Variants in ZNF26 observed in about 807,000 individuals in gnomAD.
The protein encoded by ZNF26 is zinc finger protein 26.
Under a neutral mutation model 54.9 loss-of-function variants are expected in ZNF26, and 32 were observed. The ratio of observed to expected loss-of-function variants is 0.58; its 90% CI spans 0.44 to 0.78. ZNF26 has a LOEUF of 0.78. Ranked by LOEUF, ZNF26 falls within the 30% of genes least tolerant of loss-of-function variation. ZNF26 has a pLI of 0.00. For synonymous variants in ZNF26, 221 were observed against 209.2 expected (o/e 1.06, Z -0.49); for missense variants, 524 against 634.0 (o/e 0.83, Z 1.86).
chr12:133,008,352 C>G (rs1953381041), intron 3 of ZNF26, among the ~76,000 whole-genome samples: 3 of 152,306 alleles, frequency 2.0e-5, no homozygotes, highest in Non-Finnish European at 4.4e-5. Flanking sequence ...GCCGTTCAAG[C>G]TGTTGACTCC....
intron 1 of ZNF26, among the ~76,000 whole-genome samples, chr12:132,999,406 C>T (rs1953162998): frequency 6.6e-6 from 1 of 151,656 alleles, no homozygotes; most frequent in African/African-American, 2.4e-5. Context: ...AGGCGCCCAC[C>T]ACCACACCTG....
chr12:132,995,593 A>G (rs1030161926), intron 1 of ZNF26, among the ~76,000 whole-genome samples: 1 of 152,010 alleles, frequency 6.6e-6, no homozygotes, highest in Admixed American at 6.6e-5. Flanking sequence ...TCATGTCTCA[A>G]AGTTTTTAAT....
In ZNF26 at chr12:133,017,821, A is replaced by G. The variant is rs1408534176; in HGVS notation, c.*6340A>G. On this transcript the variant is annotated 3_prime_UTR_variant, in exon 4 of 4. Coordinates refer to ENST00000328654, the MANE Select transcript of ZNF26 (RefSeq NM_019591.4). ...TCTGGAGGTCAAGACCATCCTCACT[A>G]ACATGGTGAAACCCCATCTCTATTA... 3 of 152,236 alleles carry G rather than the reference A, an allele frequency of 2.0e-5. No homozygotes were observed. The highest frequency in any genetic ancestry group is 4.4e-5 in the Non-Finnish European group (3 of 68,062). The allele number at this position is 152,236 out of a possible 1,614,324, so 9.4% of individuals were successfully genotyped here. A position where few individuals can be genotyped will look rare whatever the true frequency, so the allele number is the denominator to read the frequency against.
In ZNF26 at chr12:133,016,780, CAA is replaced by C. The variant is rs1169141231; in HGVS notation, c.*5313_*5314del. 15 of 127,848 alleles carry C rather than the reference CAA, an allele frequency of 1.2e-4. No individual in the cohort carries two copies. The highest frequency in any genetic ancestry group is 5.2e-4 in the South Asian group (2 of 3,878). The allele number at this position is 127,848 out of a possible 1,614,324, so 7.9% of individuals were successfully genotyped here. On this transcript the variant is annotated 3_prime_UTR_variant, in exon 4 of 4. Transcript: ENST00000328654. ...TGGGTGACAGAGCAAGACCTTGACT[CAA>C]AAAAAAAAAAAAATTCTACTCTCTT...
chr12:133,010,590 G>A lies in ZNF26; in HGVS notation c.711G>A (p.Lys237=). The A allele has an allele frequency of 6.2e-7, 1 of 1,613,930 alleles. No homozygotes were observed. The highest frequency in any genetic ancestry group is 8.5e-7 in the Non-Finnish European group (1 of 1,179,996). ...EKPYSCSECE[K]VFSFRSQLIV... ...CCTACTCATGTAGTGAGTGCGAGAAGGTCTTCTCTTTCAGGTCACAGCTCA... is the reference window on the plus strand; with the variant it reads ...CCTACTCATGTAGTGAGTGCGAGAAAGTCTTCTCTTTCAGGTCACAGCTCA... Residue 237 remains lysine (K), a synonymous_variant, in exon 4 of 4, where the codon AAG becomes AAA. Coordinates refer to ENST00000328654, the MANE Select transcript of ZNF26 (RefSeq NM_019591.4).
At chr12:132,994,921 A>G (rs1953043531) in intron 1 of ZNF26, among the ~76,000 whole-genome samples, 1 of 152,180 alleles carries the variant, frequency 6.6e-6, no homozygotes, top group Admixed American at 6.6e-5. Context: ...TGTAGGTGCC[A>G]GTAGCACTGC....
rs960849339 is a variant in ZNF26, at chr12:132,997,433, A to G, written c.34-9609A>G. ...GAACAGGGGTTAATCAGAAGCCCAC[A>G]TGGTCGATGAGCTTCCAAGATAGAG... On this transcript the variant is annotated intron_variant, in intron 1 of 3. Transcript: ENST00000328654. Among the ~76,000 whole-genome samples the G allele has an allele frequency of 4.8e-3, 734 of 152,260 alleles. 5 individuals carry two copies. The highest frequency in any genetic ancestry group is 0.016 in the African/African-American group (666 of 41,538).
At chr12:133,003,287 G>A (rs1234573848) in intron 1 of ZNF26, among the ~76,000 whole-genome samples, 6 of 138,930 alleles carry the variant, frequency 4.3e-5, no homozygotes, top group Admixed American at 1.5e-4. Context: ...ATGGAGTCTC[G>A]CTCTGTTGCC....
At chr12:132,991,472 C>T (rs1395818928) in intron 1 of ZNF26, among the ~76,000 whole-genome samples, 3 of 150,336 alleles carry the variant, frequency 2.0e-5, no homozygotes, top group Admixed American at 6.6e-5. Context: ...CACTCCAGCC[C>T]GGGCGACAGA....
intron 1 of ZNF26, among the ~76,000 whole-genome samples, chr12:132,997,913 T>G (rs1440442051): frequency 6.6e-6 from 1 of 152,228 alleles, no homozygotes; most frequent in Non-Finnish European, 1.5e-5. Context: ...TAGGGACTTC[T>G]TGTAGCCAGG....
chr12:133,005,245 C>T (rs1195664445), intron 1 of ZNF26: 8 of 152,146 alleles, frequency 5.3e-5, no homozygotes, highest in African/African-American at 1.7e-4. Flanking sequence ...CTCTGTCGCT[C>T]AGGCTGGAGT....
intron 1 of ZNF26, among the ~76,000 whole-genome samples, chr12:132,999,355 A>G (rs1352706775): frequency 6.6e-6 from 1 of 152,096 alleles, no homozygotes; most frequent in African/African-American, 2.4e-5. Context: ...TCCCGGGTTC[A>G]AGTGATTCTC....
intron 1 of ZNF26, among the ~76,000 whole-genome samples, chr12:132,991,795 G>A (rs1010221180): frequency 1.6e-4 from 24 of 151,848 alleles, no homozygotes; most frequent in Admixed American, 3.3e-4. Context: ...AAAATGATCA[G>A]AAAAAAAATT....
intron 1 of ZNF26, among the ~76,000 whole-genome samples, chr12:132,998,269 C>G (rs1189521589): frequency 2.0e-5 from 3 of 151,472 alleles, no homozygotes; most frequent in African/African-American, 7.3e-5. Context: ...CGGGTTCAAG[C>G]GATTATCCTG....
rs1406638314 is a variant in ZNF26 at position 133,025,226 on chromosome 12, A to T, written c.*13745A>T. 2.0e-5 allele frequency: 3 copies of T among 152,184 alleles called. No individual in the cohort carries two copies. The highest frequency in any genetic ancestry group is 2.0e-4 in the Admixed American group (3 of 15,268). The allele number at this position is 152,184 out of a possible 1,614,324, so 9.4% of individuals were successfully genotyped here. A position where few individuals can be genotyped will look rare whatever the true frequency, so the allele number is the denominator to read the frequency against. ...CCCATTTTTGAATAGGAGTATTGGTAACAGTTTTTCTGTGTCTGCCCCACT... is the reference window on the plus strand; with the variant it reads ...CCCATTTTTGAATAGGAGTATTGGTTACAGTTTTTCTGTGTCTGCCCCACT... On this transcript the variant is annotated 3_prime_UTR_variant, in exon 4 of 4. Transcript: ENST00000328654.
Position 133,019,763 on chromosome 12 carries a change from C to G in ZNF26, c.*8282C>G, listed in dbSNP as rs1953614446. Reference sequence around the variant, plus strand: ...AATCAGTACATCAAAGAGACACCTGCACTCTCACGTTTCCTGCAGCACTAT... The same window carrying G: ...AATCAGTACATCAAAGAGACACCTGGACTCTCACGTTTCCTGCAGCACTAT... On this transcript the variant is annotated 3_prime_UTR_variant, in exon 4 of 4. Coordinates refer to ENST00000328654, the MANE Select transcript of ZNF26 (RefSeq NM_019591.4). 1.3e-5 allele frequency: 2 copies of G among 152,154 alleles called. No homozygotes were observed. The highest frequency in any genetic ancestry group is 6.5e-5 in the Admixed American group (1 of 15,276). The allele number at this position is 152,154 out of a possible 1,614,324, so 9.4% of individuals were successfully genotyped here.
rs1953505751 is a variant in ZNF26, at chr12:133,012,604, T to TTTTTTTTTTTTTTTTC, written c.*1128_*1129insTTTTTTTTTTCTTTTT. On this transcript the variant is annotated 3_prime_UTR_variant, in exon 4 of 4. Transcript: ENST00000328654. Reference sequence around the variant, plus strand: ...TTTTTTTTTTTTTTTTTTTTTTTTTTTTTTTGAGACTAAGTTTCACTCTTG... The same window carrying TTTTTTTTTTTTTTTTC: ...TTTTTTTTTTTTTTTTTTTTTTTTTTTTTTTTTTTTTTTTTCTTTTTGAGACTAAGTTTCACTCTTG... 7.3e-6 allele frequency: 1 copy of TTTTTTTTTTTTTTTTC among 137,892 alleles called. No individual in the cohort carries two copies. 8.5% of individuals were successfully genotyped at this position (137,892 alleles called of 1,614,324 possible).
At position 133,013,795 on chromosome 12, in the gene ZNF26, T is replaced by C. The variant is rs1953526914; in HGVS notation, c.*2314T>C. 1 of 155,232 alleles carries C rather than the reference T, an allele frequency of 6.4e-6. No individual in the cohort carries two copies. Among genetic ancestry groups the C allele is most frequent in the Admixed American group, 6.5e-5 (1 of 15,308 alleles). 9.6% of individuals were successfully genotyped at this position (155,232 alleles called of 1,614,324 possible). On this transcript the variant is annotated 3_prime_UTR_variant, in exon 4 of 4. Coordinates refer to ENST00000328654, the MANE Select transcript of ZNF26 (RefSeq NM_019591.4). ...CTGGGAAGAACCTGAGGACTCAGCC[T>C]AGCAAACTCTTCTGATAGACTTTGC...
At chr12:132,992,947 A>G (rs1952995066) in intron 1 of ZNF26, among the ~76,000 whole-genome samples, 1 of 148,214 alleles carries the variant, frequency 6.7e-6, no homozygotes, top group Non-Finnish European at 1.5e-5. Flanking sequence ...TTTTTCCTCA[A>G]TCTCGTGCAG....
Sources: gnomAD v4.1 joint callset for allele counts (sites outside exome capture counted in the v4.1 genomes callset) on GRCh38, gnomAD v4.1.1 for gene constraint, MANE v1.5 for transcripts, NCBI Gene and HGNC (gene_info 2026-07-23, HGNC 2026-07-21) for gene names.